PCNT: variants seen among roughly 807,000 people sequenced by gnomAD.
PCNT encodes the protein kendrin.
Under a neutral mutation model 380.4 loss-of-function variants are expected in PCNT, and 319 were observed. The observed-to-expected ratio is 0.84, with a 90% confidence interval of 0.77 to 0.92. The LOEUF is 0.92. PCNT is among the 40% of genes least tolerant of loss of function. The pLI is 0.00. For synonymous variants in PCNT, 1,845 were observed against 1,735.2 expected (o/e 1.06, Z -1.57); for missense variants, 4,400 against 4,255.3 (o/e 1.03, Z -0.95).
In PCNT at chr21:46,328,551, C is replaced by A. The variant is rs140169401; in HGVS notation, c.267+1962C>A. On this transcript the variant is annotated intron_variant, in intron 2 of 46. Transcript: ENST00000359568. ...TCCTGGCTCACTGTAACCTCTGCCT[C>A]CTGGGTTCAAGCGATTTTCCTGCGT... Among the ~76,000 whole-genome samples the A allele has an allele frequency of 5.2e-3, 795 of 152,304 alleles. 8 individuals carry two copies. Among genetic ancestry groups the A allele is most frequent in the African/African-American group, 0.017 (726 of 41,568 alleles).
At chr21:46,337,803 A>G (rs1272385478) in intron 3 of PCNT, among the ~76,000 whole-genome samples, 1 of 151,234 alleles carries the variant, frequency 6.6e-6, no homozygotes. Context: ...GCTGATCTTG[A>G]ACTCCCAACC....
intron 27 of PCNT, among the ~76,000 whole-genome samples, chr21:46,410,641 T>A (rs963312934): frequency 2.0e-5 from 3 of 152,222 alleles, no homozygotes; most frequent in Admixed American, 2.0e-4. Flanking sequence ...GGCTGAGGAT[T>A]ATGTTTCATG....
chr21:46,402,501 C>A lies in PCNT; in HGVS notation c.5115+18C>A. On this transcript the variant is annotated intron_variant, in intron 27 of 46. Coordinates refer to ENST00000359568, the MANE Select transcript of PCNT (RefSeq NM_006031.6). ...GCTTGAAGGTAAGCTACCAAAGGTC[C>A]ACGTGACGCCCGAGTTCATGTTGCT... 1 of 1,613,560 alleles carries A rather than the reference C, an allele frequency of 6.2e-7. No homozygotes were observed. The highest frequency in any genetic ancestry group is 8.5e-7 in the Non-Finnish European group (1 of 1,179,628).
Position 46,411,772 on chromosome 21 carries a change from G to T in PCNT, c.5699G>T (p.Arg1900Leu). The T allele has an allele frequency of 1.9e-6, 3 of 1,606,124 alleles. No individual in the cohort carries two copies. The highest frequency in any genetic ancestry group is 2.5e-6 in the Non-Finnish European group (3 of 1,178,642). ...GAGGCCGTCCTGTTGGCCTTGGCCC[G>T]CATCCGCCGCGCCCTGGAGCAGCAG... The part of the protein sequence containing the change: ...ELEAVLLALA[R>L]IRRALEQQPL... The change falls in exon 28 of 47, where the codon CGC (arginine) becomes CTC (leucine). Residue 1900 changes from arginine (R) to leucine (L), a missense_variant. By Grantham distance (102) the Arg-to-Leu change is moderately radical. Coordinates refer to ENST00000359568, the MANE Select transcript of PCNT (RefSeq NM_006031.6).
chr21:46,416,865 C>G (rs887369436), intron 30 of PCNT, 26 bp downstream of exon 30: 2 of 1,595,790 alleles, frequency 1.3e-6, no homozygotes. Context: ...GCTCCCAGGC[C>G]TGCTGTTCCC....
intron 10 of PCNT, 31 bp downstream of exon 10, chr21:46,353,357 T>A (rs1170038346): frequency 6.3e-7 from 1 of 1,579,230 alleles, no homozygotes; most frequent in African/African-American, 1.3e-5. Flanking sequence ...CTCAGTGAGT[T>A]TCTGCCATAC....
Position 46,366,878 on chromosome 21 carries a change from T to C in PCNT, c.2904T>C (p.Leu968=). The change falls in exon 15 of 47, where the codon CTT becomes CTC. Residue 968 remains leucine (L), a synonymous_variant. Transcript: ENST00000359568. The stretch of plus-strand genomic sequence containing the variant: ...TGGAGACCAGACATCTGTCCAGCCT[T>C]GATTCTTTGGAATCCTGTTACCTCT... ...GALETRHLSS[L]DSLESCYLSE... 1.9e-6 allele frequency: 3 copies of C among 1,614,170 alleles called. No individual in the cohort carries two copies. Among genetic ancestry groups the C allele is most frequent in the Non-Finnish European group, 2.5e-6 (3 of 1,180,048 alleles).
chr21:46,348,970 A>T, intron 6 of PCNT, 42 bp from the exon 7 acceptor site: 1 of 1,291,796 alleles, frequency 7.7e-7, no homozygotes. Context: ...TTTAGCACAG[A>T]TAATCAACTA....
chr21:46,430,730 C>G, intron 37 of PCNT, 73 bp downstream of exon 37: 1 of 1,541,108 alleles, frequency 6.5e-7, no homozygotes, highest in Non-Finnish European at 8.7e-7. Flanking sequence ...GCTCCTCTTT[C>G]ATCCTTCTTT....
intron 29 of PCNT, 79 bp downstream of exon 29, chr21:46,413,071 G>C (rs2086848966): frequency 1.3e-6 from 1 of 742,080 alleles, no homozygotes; most frequent in Non-Finnish European, 2.3e-6. Flanking sequence ...AGCGGGGAAG[G>C]CACGAGGCCC....
intron 21 of PCNT, among the ~76,000 whole-genome samples, 157 bp downstream of exon 21, chr21:46,391,533 C>T (rs2086033802): frequency 6.6e-6 from 1 of 152,184 alleles, no homozygotes; most frequent in Non-Finnish European, 1.5e-5. Flanking sequence ...GAAGCTTGTG[C>T]GGATCAGGTG....
In PCNT at chr21:46,388,209, CA is replaced by C. The variant is rs1222789518; in HGVS notation, c.3465-520del. The stretch of plus-strand genomic sequence containing the variant: ...TGGGCGACAGAGCGAGACTCCATCT[CA>C]AAAAAAAAAAAAGACAGAAGCATCC... On this transcript the variant is annotated intron_variant, in intron 17 of 46. Coordinates refer to ENST00000359568, the MANE Select transcript of PCNT (RefSeq NM_006031.6). This position sits in a 1 kb window ranked among gnomAD's most constrained non-coding sequence, Gnocchi z 4.2. Among the ~76,000 whole-genome samples, 330 of 136,148 alleles carry C rather than the reference CA, an allele frequency of 2.4e-3. No homozygotes were observed. Among genetic ancestry groups the C allele is most frequent in the Admixed American group, 3.2e-3 (43 of 13,544 alleles). 89.3% of individuals were successfully genotyped at this position (136,148 alleles called of 152,430 possible). A position where few individuals can be genotyped will look rare whatever the true frequency, so the allele number is the denominator to read the frequency against.
chr21:46,347,209 C>T (rs547300517), intron 5 of PCNT, among the ~76,000 whole-genome samples: 1 of 152,310 alleles, frequency 6.6e-6, no homozygotes, highest in Admixed American at 6.5e-5. Flanking sequence ...AGCAGGTTTC[C>T]AGGTGGTCTG....
chr21:46,336,733 C>A (rs1328940648), intron 3 of PCNT, among the ~76,000 whole-genome samples: 3 of 152,104 alleles, frequency 2.0e-5, no homozygotes, highest in Admixed American at 6.5e-5. Flanking sequence ...TCTCCGTGGA[C>A]AGAGTGAGGA....
intron 13 of PCNT, among the ~76,000 whole-genome samples, chr21:46,360,164 A>G (rs1013418798): frequency 3.6e-5 from 5 of 139,454 alleles, no homozygotes; most frequent in African/African-American, 1.3e-4. Context: ...GCCTACTTTT[A>G]ATCTATTCAA....
intron 37 of PCNT, 98 bp from the exon 38 acceptor site, chr21:46,431,431 T>C (rs1201180546): frequency 2.5e-6 from 4 of 1,597,506 alleles, no homozygotes; most frequent in Non-Finnish European, 3.4e-6. Context: ...AAGGTAGAAT[T>C]GCTGGGCTAA....
intron 15 of PCNT, among the ~76,000 whole-genome samples, chr21:46,367,450 G>A (rs1601857727): frequency 6.6e-6 from 1 of 152,028 alleles, no homozygotes; most frequent in East Asian, 1.9e-4. Flanking sequence ...TGGGATTATA[G>A]GCGCCTGCCA....
At chr21:46,334,082 A>G (rs1266835510) in intron 2 of PCNT, among the ~76,000 whole-genome samples, 3 of 151,712 alleles carry the variant, frequency 2.0e-5, no homozygotes, top group Middle Eastern at 3.4e-3. Context: ...GCGGGCACCC[A>G]TAGTCCCAGC....
At chr21:46,335,244 G>A (rs2083696534) in intron 3 of PCNT, among the ~76,000 whole-genome samples, 1 of 152,124 alleles carries the variant, frequency 6.6e-6, no homozygotes, top group African/African-American at 2.4e-5. Context: ...GGGAGGCTGT[G>A]GTCAGTCTGC....
Sources: allele counts gnomAD v4.1 joint callset (sites outside exome capture counted in the v4.1 genomes callset), GRCh38; gene constraint gnomAD v4.1.1; non-coding constraint Gnocchi (gnomAD v3.1); transcripts MANE v1.5; gene names NCBI Gene and HGNC (gene_info 2026-07-23, HGNC 2026-07-21).